BMPR2: variants seen among roughly 807,000 people sequenced by gnomAD.
BMPR2 encodes the protein bone morphogenetic protein receptor type-2.
In BMPR2, 29 loss-of-function variants were observed where a neutral mutation model predicts 100.8. That is an observed-to-expected ratio of 0.29 (90% confidence interval 0.21 to 0.39). The LOEUF (loss-of-function observed/expected upper bound fraction) is 0.39. Ranked by LOEUF, BMPR2 falls within the 10% of genes least tolerant of loss-of-function variation. The pLI is 1.00. For synonymous variants in BMPR2, 382 were observed against 442.3 expected, an observed-to-expected ratio of 0.86 and a Z score of 1.71; for missense variants, 1,011 against 1,274.5, an observed-to-expected ratio of 0.79 and a Z score of 3.15.
intron 3 of BMPR2, among the ~76,000 whole-genome samples, chr2:202,482,148 T>C (rs899554434): frequency 7.9e-5 from 12 of 152,362 alleles, no homozygotes; most frequent in African/African-American, 2.6e-4. Context: ...TCTTGTAGCA[T>C]GTGTTAGAAT....
chr2:202,445,672 T>C lies in BMPR2; in HGVS notation c.77-19137T>C, dbSNP rs1375863734. Among the ~76,000 whole-genome samples, 13 of 148,662 alleles carry C rather than the reference T, an allele frequency of 8.7e-5. No homozygotes were observed. In the East Asian group the frequency reaches 2.5e-3, roughly 29 times the overall value. ...CCTGTCTTTTGCCATGTTGCCAGGG[T>C]TGGTCTCAAACTCCTGGGCTCAAGT... On this transcript the variant is annotated intron_variant, in intron 1 of 12. Coordinates refer to ENST00000374580, the MANE Select transcript of BMPR2 (RefSeq NM_001204.7).
intron 1 of BMPR2, among the ~76,000 whole-genome samples, chr2:202,436,195 T>C (rs1708612834): frequency 6.6e-6 from 1 of 150,818 alleles, no homozygotes; most frequent in South Asian, 2.1e-4. Context: ...GGCTTACGCC[T>C]ATAATCCCAG....
rs1574511465 is a variant in BMPR2, at chr2:202,564,228, A to C, written c.*4282A>C. On this transcript the variant is annotated 3_prime_UTR_variant, in exon 13 of 13. Coordinates refer to ENST00000374580, the MANE Select transcript of BMPR2 (RefSeq NM_001204.7). ...TTTATGGACATGAATATTTTATTGG[A>C]GATCATTAACTCCTAGAATTTGAGA... 6.6e-6 allele frequency: 1 copy of C among 152,172 alleles called. No homozygotes were observed. Among genetic ancestry groups the C allele is most frequent in the East Asian group, 1.9e-4 (1 of 5,200 alleles). The allele number at this position is 152,172 out of a possible 1,614,324, so 9.4% of individuals were successfully genotyped here.
At chr2:202,413,749 C>T (rs1030471216) in intron 1 of BMPR2, among the ~76,000 whole-genome samples, 1 of 151,936 alleles carries the variant, frequency 6.6e-6, no homozygotes, top group Non-Finnish European at 1.5e-5. Context: ...ACTGCAACCT[C>T]CACCTCCCGT....
intron 1 of BMPR2, among the ~76,000 whole-genome samples, chr2:202,452,336 T>C (rs1354272974): frequency 6.6e-6 from 1 of 152,252 alleles, no homozygotes; most frequent in Non-Finnish European, 1.5e-5. Flanking sequence ...CTTTTATTGC[T>C]GAGTAGTAAC....
At chr2:202,417,365 C>T (rs1691154421) in intron 1 of BMPR2, among the ~76,000 whole-genome samples, 1 of 151,974 alleles carries the variant, frequency 6.6e-6, no homozygotes, top group Admixed American at 6.5e-5. Flanking sequence ...TGCAATGGCA[C>T]GATCTCGGCT....
In BMPR2 at chr2:202,555,593, C is replaced by T; in HGVS notation, c.1928C>T (p.Thr643Ile). Residue 643 changes from threonine to isoleucine, a missense_variant, in exon 12 of 13, where the codon ACA (threonine) becomes ATA (isoleucine). Physicochemically the swap from Thr to Ile is moderately conservative, Grantham distance 89. Coordinates refer to ENST00000374580, the MANE Select transcript of BMPR2 (RefSeq NM_001204.7). ...PYPDETNLHTTNVAQSIGPTP... is the reference protein window; with the variant it reads ...PYPDETNLHTINVAQSIGPTP... ...CCAGATGAAACAAATCTGCATACCA[C>T]AAATGTTGCACAGTCAATTGGGCCA... is the stretch of plus-strand genomic sequence containing the variant. 1 of 1,614,130 alleles carries T rather than the reference C, an allele frequency of 6.2e-7. No homozygotes were observed. Among genetic ancestry groups the T allele is most frequent in the South Asian group, 1.1e-5 (1 of 91,082 alleles).
chr2:202,380,248 T>A (rs1425066525), intron 1 of BMPR2, among the ~76,000 whole-genome samples: 1 of 151,872 alleles, frequency 6.6e-6, no homozygotes, highest in South Asian at 2.1e-4. Flanking sequence ...GGTTTATGAA[T>A]GAATTCTTAA....
chr2:202,517,221 T>TAA (rs757696369), intron 5 of BMPR2, among the ~76,000 whole-genome samples: 1 of 130,176 alleles, frequency 7.7e-6, no homozygotes, highest in Non-Finnish European at 1.7e-5. Flanking sequence ...CTATCTCAAT[T>TAA]AAAAAAAAAA....
intron 3 of BMPR2, among the ~76,000 whole-genome samples, chr2:202,469,277 C>T (rs1047488830): frequency 6.6e-6 from 1 of 151,936 alleles, no homozygotes; most frequent in Non-Finnish European, 1.5e-5. Context: ...ATCCACCTGC[C>T]TCAGCCTCCC....
At chr2:202,425,583 A>G (rs1691368404) in intron 1 of BMPR2, among the ~76,000 whole-genome samples, 2 of 152,222 alleles carry the variant, frequency 1.3e-5, no homozygotes, top group Admixed American at 1.3e-4. Context: ...TTTATTTAAC[A>G]GATATAGAGG....
chr2:202,457,825 G>T (rs1489544851), intron 1 of BMPR2, among the ~76,000 whole-genome samples: 1 of 152,078 alleles, frequency 6.6e-6, no homozygotes, highest in African/African-American at 2.4e-5. Flanking sequence ...CGCCTCTGGG[G>T]TTCAAGCGAT....
chr2:202,387,634 G>C (rs746520350), intron 1 of BMPR2, among the ~76,000 whole-genome samples: 2 of 152,064 alleles, frequency 1.3e-5, no homozygotes, highest in African/African-American at 2.4e-5. Flanking sequence ...AAATATCTTA[G>C]GTTTTGTTTT....
In BMPR2 at chr2:202,562,539, CATCTG is replaced by C. The variant is rs1367676314; in HGVS notation, c.*2596_*2600del. 5 of 152,434 alleles carry C rather than the reference CATCTG, an allele frequency of 3.3e-5. No individual in the cohort carries two copies. Among genetic ancestry groups the C allele is most frequent in the Non-Finnish European group, 5.9e-5 (4 of 68,004 alleles). The allele number at this position is 152,434 out of a possible 1,614,324, so 9.4% of individuals were successfully genotyped here. On this transcript the variant is annotated 3_prime_UTR_variant, in exon 13 of 13. Transcript: ENST00000374580. ...AATGACTTAATTGTATGCTAATACT[CATCTG>C]ATAATAAATGCTTCTTAAAGTTGAC...
At chr2:202,381,449 A>G (rs987467339) in intron 1 of BMPR2, among the ~76,000 whole-genome samples, 2 of 152,176 alleles carry the variant, frequency 1.3e-5, no homozygotes, top group Admixed American at 1.3e-4. Context: ...TGGCATTGGC[A>G]GAAGTGCAAG....
intron 7 of BMPR2, among the ~76,000 whole-genome samples, chr2:202,526,766 A>T (rs1374410186): frequency 6.6e-6 from 1 of 152,258 alleles, no homozygotes; most frequent in Non-Finnish European, 1.5e-5. Context: ...TGTTACTCTG[A>T]AACATTAGCT....
chr2:202,386,448 C>T (rs1038781475), intron 1 of BMPR2, among the ~76,000 whole-genome samples: 15 of 152,146 alleles, frequency 9.9e-5, no homozygotes, highest in Admixed American at 3.3e-4. Flanking sequence ...TTTGTCTCTT[C>T]TCTTTCTTTT....
At chr2:202,524,618 C>A (rs1034066796) in intron 7 of BMPR2, among the ~76,000 whole-genome samples, 1 of 151,788 alleles carries the variant, frequency 6.6e-6, no homozygotes, top group African/African-American at 2.4e-5. Flanking sequence ...AATAGCCAGG[C>A]ATAGTAGCAT....
chr2:202,417,792 C>T (rs902266058), intron 1 of BMPR2, among the ~76,000 whole-genome samples: 4 of 151,434 alleles, frequency 2.6e-5, no homozygotes, highest in Non-Finnish European at 1.5e-5. Context: ...CATCTCGGCT[C>T]ACTGCAACCT....
Sources: allele counts gnomAD v4.1 joint callset (sites outside exome capture counted in the v4.1 genomes callset), GRCh38; gene constraint gnomAD v4.1.1; transcripts MANE v1.5; gene names NCBI Gene and HGNC (gene_info 2026-07-23, HGNC 2026-07-21).